KATNAL2: variants seen among roughly 807,000 people sequenced by gnomAD.
KATNAL2 encodes katanin catalytic subunit A1 like 2, also known as katanin p60 ATPase-containing subunit A-like 2.
A neutral mutation model predicts 76.3 loss-of-function variants in KATNAL2; 52 were observed. The observed-to-expected ratio is 0.68, with a 90% CI of 0.55 to 0.86. The LOEUF is 0.86. Ranked by LOEUF, KATNAL2 falls within the 40% of genes least tolerant of loss-of-function variation. The pLI is 0.00. For missense variants in KATNAL2, 660 were observed against 668.9 expected (o/e 0.99, Z 0.15); for synonymous variants, 243 against 244.2 (o/e 1.00, Z 0.05).
intron 3 of KATNAL2, chr18:47,033,055 G>C: frequency 1.2e-6 from 2 of 1,614,124 alleles, no homozygotes; most frequent in Non-Finnish European, 1.7e-6. Context: ...GGCCATCAGC[G>C]GGGCCACTTT....
At chr18:47,066,846 T>TG (rs746487725) in intron 10 of KATNAL2, among the ~76,000 whole-genome samples, 175 bp from the exon 11 acceptor site, 4,702 of 61,342 alleles carry the variant, frequency 0.077, 572 homozygotes, top group South Asian at 0.13. Context: ...TATATATGTG[T>TG]TTATATATAT....
intron 15 of KATNAL2, among the ~76,000 whole-genome samples, chr18:47,091,685 TAATC>T (rs1199216577): frequency 6.6e-6 from 1 of 152,204 alleles, no homozygotes; most frequent in Non-Finnish European, 1.5e-5. Flanking sequence ...GGGCATTAGC[TAATC>T]AATACAGACA....
chr18:47,089,950 G>A (rs990408897), intron 15 of KATNAL2, among the ~76,000 whole-genome samples: 3 of 152,190 alleles, frequency 2.0e-5, no homozygotes, highest in Admixed American at 2.0e-4. Flanking sequence ...TATAAGACTG[G>A]CTAATTTTTG....
chr18:47,075,230 CT>C, intron 13 of KATNAL2, 46 bp from the exon 14 acceptor site: 1 of 1,470,084 alleles, frequency 6.8e-7, no homozygotes, highest in East Asian at 2.7e-5. Context: ...CATCTGAGGA[CT>C]TTAAGTCTAT....
chr18:46,965,576 T>TCCACC (rs2060092373), intron 3 of KATNAL2, among the ~76,000 whole-genome samples: 1 of 68,634 alleles, frequency 1.5e-5, no homozygotes, highest in Non-Finnish European at 3.0e-5. Flanking sequence ...CCCTCTAGCA[T>TCCACC]CCCCGCCCCC....
chr18:46,922,055 A>G (rs1040367954), intron 1 of KATNAL2, among the ~76,000 whole-genome samples: 1 of 151,924 alleles, frequency 6.6e-6, no homozygotes, highest in South Asian at 2.1e-4. Flanking sequence ...TACCAAAACT[A>G]GTATCAAGGA....
chr18:47,101,101 AGAAAATTATTTTT>A lies in KATNAL2; in HGVS notation c.*100_*112del. The A allele has an allele frequency of 7.1e-7, 1 of 1,406,300 alleles. No homozygotes were observed. The highest frequency in any genetic ancestry group is 9.8e-7 in the Non-Finnish European group (1 of 1,017,624). 87.1% of individuals were successfully genotyped at this position (1,406,300 alleles called of 1,614,324 possible). A position where few individuals can be genotyped will look rare whatever the true frequency, so the allele number is the denominator to read the frequency against. ...GAACAAAATGATTGGAATGGAAAAG[AGAAAATTATTTTT>A]GAAGACTGGATTAACTTGAGCCACT... is the stretch of plus-strand genomic sequence containing the variant. On this transcript the variant is annotated 3_prime_UTR_variant, in exon 18 of 18. Transcript: ENST00000683218.
At chr18:46,947,932 C>T (rs8095373) in intron 3 of KATNAL2, among the ~76,000 whole-genome samples, 80,255 of 151,836 alleles carry the variant, frequency 0.53, 21,472 homozygotes, top group African/African-American at 0.58. Context: ...ATGAACTACC[C>T]GCCTCAGAAT....
Position 47,097,664 on chromosome 18 carries a change from C to T in KATNAL2, c.1212-1579C>T, listed in dbSNP as rs557131564. Among the ~76,000 whole-genome samples, 4 of 152,326 alleles carry T rather than the reference C, an allele frequency of 2.6e-5. No homozygotes were observed. In the South Asian group the frequency reaches 8.3e-4, roughly 32 times the overall value. On this transcript the variant is annotated intron_variant, in intron 15 of 17. Coordinates refer to ENST00000683218, the MANE Select transcript of KATNAL2 (RefSeq NM_001387690.1). Reference sequence around the variant, plus strand: ...TTAAGAGACAGAACCATACATGATGCATATGTGTTCACTGGATTTTGTCAG... The same window carrying T: ...TTAAGAGACAGAACCATACATGATGTATATGTGTTCACTGGATTTTGTCAG...
intron 1 of KATNAL2, among the ~76,000 whole-genome samples, chr18:46,924,517 C>T (rs187570529): frequency 6.6e-6 from 1 of 152,254 alleles, no homozygotes; most frequent in East Asian, 1.9e-4. Context: ...TGTGATGACT[C>T]CAGCTTTGTT....
intron 3 of KATNAL2, among the ~76,000 whole-genome samples, chr18:47,037,219 C>T (rs1342485662): frequency 6.6e-6 from 1 of 152,166 alleles, no homozygotes; most frequent in African/African-American, 2.4e-5. Context: ...GTAACATTTC[C>T]TAAATATCTT....
At chr18:47,073,624 A>T (rs1037927535) in intron 13 of KATNAL2, among the ~76,000 whole-genome samples, 1 of 152,196 alleles carries the variant, frequency 6.6e-6, no homozygotes, top group Non-Finnish European at 1.5e-5. Context: ...AGTTATTTAT[A>T]GGGAACCATT....
intron 11 of KATNAL2, among the ~76,000 whole-genome samples, chr18:47,068,276 T>C (rs2061877826): frequency 6.6e-6 from 1 of 152,200 alleles, no homozygotes; most frequent in African/African-American, 2.4e-5. Flanking sequence ...TTGAATAACC[T>C]ATTTAGTCTT....
At chr18:47,088,698 G>A (rs1824726977) in intron 15 of KATNAL2, among the ~76,000 whole-genome samples, 1 of 152,086 alleles carries the variant, frequency 6.6e-6, no homozygotes. Flanking sequence ...CCCACCTCAG[G>A]GACCACAGAC....
chr18:46,921,130 TC>T (rs2058515788), intron 1 of KATNAL2, among the ~76,000 whole-genome samples: 1 of 152,192 alleles, frequency 6.6e-6, no homozygotes. Context: ...GTTTTTTGTT[TC>T]TGTTTTTGCT....
intron 15 of KATNAL2, among the ~76,000 whole-genome samples, chr18:47,095,316 T>C (rs908149995): frequency 1.3e-5 from 2 of 152,190 alleles, no homozygotes; most frequent in Non-Finnish European, 2.9e-5. Flanking sequence ...CAAAATTTCA[T>C]CTTCAATTAT....
At chr18:47,088,774 C>G (rs2062881005) in intron 15 of KATNAL2, among the ~76,000 whole-genome samples, 1 of 152,166 alleles carries the variant, frequency 6.6e-6, no homozygotes, top group Non-Finnish European at 1.5e-5. Flanking sequence ...ATGAAGTTGT[C>G]TCTATCTGTG....
chr18:47,085,918 G>A (rs762486598), intron 15 of KATNAL2, among the ~76,000 whole-genome samples: 2 of 151,908 alleles, frequency 1.3e-5, no homozygotes, highest in African/African-American at 2.4e-5. Context: ...GCAAGACCTC[G>A]TCTCTACAAA....
intron 1 of KATNAL2, among the ~76,000 whole-genome samples, chr18:46,926,665 G>A (rs2058737846): frequency 6.6e-6 from 1 of 152,120 alleles, no homozygotes; most frequent in Non-Finnish European, 1.5e-5. Context: ...TCATTGATCT[G>A]TCTAATGTTG....
Sources: gnomAD v4.1 joint callset for allele counts (sites outside exome capture counted in the v4.1 genomes callset) on GRCh38, gnomAD v4.1.1 for gene constraint, MANE v1.5 for transcripts, NCBI Gene and HGNC (gene_info 2026-07-23, HGNC 2026-07-21) for gene names.